The following ROR2 variants were observed in gnomAD, a reference collection of about 807,000 sequenced individuals.
ROR2 encodes the protein ROR family WNT receptor 2.
Under a neutral mutation model 74.9 loss-of-function variants are expected in ROR2, and 33 were observed. That is an observed-to-expected ratio of 0.44 (90% CI 0.33 to 0.59). The LOEUF is 0.59. Among genes scored for constraint, ROR2 ranks in the 20% least tolerant of loss-of-function variants. The probability of loss-of-function intolerance (pLI) is 0.02; values close to 1 mark genes in which losing one functional copy is unlikely to be tolerated. For missense variants in ROR2, 1,216 were observed against 1,313.8 expected (o/e 0.93, Z 1.15); for synonymous variants, 586 against 558.7 (o/e 1.05, Z -0.69).
intron 1 of ROR2, among the ~76,000 whole-genome samples, chr9:91,884,393 G>C (rs1228697304): frequency 6.6e-6 from 1 of 151,774 alleles, no homozygotes; most frequent in Non-Finnish European, 1.5e-5. Flanking sequence ...AGTCATGGGG[G>C]GTGGGGGGAG....
At position 91,896,982 on chromosome 9, in the gene ROR2, G is replaced by C. The variant is rs527905040; in HGVS notation, c.97+52885C>G. The stretch of plus-strand genomic sequence containing the variant: ...TGCCCGGTAACACAGCTCATTTAAA[G>C]AGCGAGTGGGAGCAAAGGGAAGGAA... On this transcript the variant is annotated intron_variant, in intron 1 of 8. Transcript: ENST00000375708. Among the ~76,000 whole-genome samples the C allele has an allele frequency of 2.0e-5, 3 of 152,302 alleles. No individual in the cohort carries two copies. The East Asian group carries it at 5.8e-4, about 29-fold the overall frequency.
chr9:91,822,271 A>AT (rs1303377294), intron 1 of ROR2, among the ~76,000 whole-genome samples: 1 of 152,208 alleles, frequency 6.6e-6, no homozygotes. Context: ...GCATCCATGC[A>AT]TTGGTGTTTA....
intron 1 of ROR2, among the ~76,000 whole-genome samples, chr9:91,781,486 C>T (rs529720334): frequency 3.5e-4 from 54 of 152,246 alleles, no homozygotes; most frequent in African/African-American, 9.1e-4. Context: ...TATAAAGTCC[C>T]GAAAGGGTAA....
chr9:91,740,905 C>A (rs1825213088), intron 4 of ROR2, among the ~76,000 whole-genome samples: 1 of 152,114 alleles, frequency 6.6e-6, no homozygotes, highest in Non-Finnish European at 1.5e-5. Flanking sequence ...AAATCCCCTG[C>A]CCCTCATGCT....
chr9:91,807,196 T>C (rs1356373515), intron 1 of ROR2, among the ~76,000 whole-genome samples: 1 of 152,208 alleles, frequency 6.6e-6, no homozygotes, highest in South Asian at 2.1e-4. Context: ...CATTTTGACA[T>C]GGTTGTCCAC....
At chr9:91,919,990 C>T (rs1721825306) in intron 1 of ROR2, among the ~76,000 whole-genome samples, 1 of 152,188 alleles carries the variant, frequency 6.6e-6, no homozygotes, top group South Asian at 2.1e-4. Flanking sequence ...CCTGCCCCAC[C>T]AGGCTCCCTT....
At position 91,740,477 on chromosome 9, in the gene ROR2, A is replaced by G. The variant is rs537202464; in HGVS notation, c.495-2959T>C. ...TGGGGCAGGAGAATGGCGTGAACCC[A>G]GGAGGCGGAGCTTGCAGTGAGCCGA... is the stretch of plus-strand genomic sequence containing the variant. On this transcript the variant is annotated intron_variant, in intron 4 of 8. Transcript: ENST00000375708. Among the ~76,000 whole-genome samples, 32 of 150,852 alleles carry G rather than the reference A, an allele frequency of 2.1e-4. No individual in the cohort carries two copies. The East Asian group carries it at 5.9e-3, about 28-fold the overall frequency.
intron 4 of ROR2, among the ~76,000 whole-genome samples, chr9:91,738,176 A>G (rs1276415223): frequency 6.6e-6 from 1 of 152,254 alleles, no homozygotes; most frequent in Non-Finnish European, 1.5e-5. Context: ...AATGTTATCA[A>G]TATTGGCTCA....
rs1825779595 is a variant in ROR2 at position 91,757,147 on chromosome 9, G to T, written c.463+125C>A. The T allele has an allele frequency of 3.2e-6, 4 of 1,251,792 alleles. No homozygotes were observed. The South Asian group carries it at 3.7e-5, about 12-fold the overall frequency. The allele number at this position is 1,251,792 out of a possible 1,614,324, so 77.5% of individuals were successfully genotyped here. On this transcript the variant is annotated intron_variant, in intron 3 of 8. Coordinates refer to ENST00000375708, the MANE Select transcript of ROR2 (RefSeq NM_004560.4). ...GCACATGGGGAAGGCCCTAGGGAAC[G>T]GTTTCATTGCTCTCCCCTCGTGCTG...
Position 91,726,675 on chromosome 9 carries a change from T to C in ROR2, c.1252A>G (p.Ile418Val), listed in dbSNP as rs374200211. 6.8e-6 allele frequency: 11 copies of C among 1,613,818 alleles called. No individual in the cohort carries two copies. Among genetic ancestry groups the C allele is most frequent in the East Asian group, 4.5e-5 (2 of 44,866 alleles). The change falls in exon 8 of 9, where the codon ATC becomes GTC. Residue 418 changes from isoleucine (I) to valine (V), a missense_variant. Coordinates refer to ENST00000375708, the MANE Select transcript of ROR2 (RefSeq NM_004560.4). ...CAAACCAAGAAGAAAAGGCAAGCGA[T>C]GACCAGTGGAATTGCGATGCTGGGG... The part of the protein sequence containing the change: ...LVPSIAIPLV[I>V]ACLFFLVCMC...
chr9:91,789,821 G>A lies in ROR2; in HGVS notation c.98-14003C>T, dbSNP rs115224364. On this transcript the variant is annotated intron_variant, in intron 1 of 8. Transcript: ENST00000375708. ...AGTAGCAAAATGGTAGAAGTAAAGC[G>A]TACCATATTGGTAAGTAAGTTAAAT... Among the ~76,000 whole-genome samples, 713 of 152,182 alleles carry A rather than the reference G, an allele frequency of 4.7e-3. 5 individuals carry two copies. Among genetic ancestry groups the A allele is most frequent in the African/African-American group, 0.016 (665 of 41,526 alleles).
At chr9:91,809,913 G>C (rs1450240884) in intron 1 of ROR2, among the ~76,000 whole-genome samples, 1 of 152,272 alleles carries the variant, frequency 6.6e-6, no homozygotes, top group Non-Finnish European at 1.5e-5. Flanking sequence ...TCCAAGGGCA[G>C]CTGGAATTGA....
At chr9:91,826,115 C>G (rs896833658) in intron 1 of ROR2, among the ~76,000 whole-genome samples, 1 of 152,158 alleles carries the variant, frequency 6.6e-6, no homozygotes, top group African/African-American at 2.4e-5. Context: ...GGGTTCAAAG[C>G]CCACCTTGGC....
Position 91,733,329 on chromosome 9 carries a change from G to C in ROR2, c.730C>G (p.Arg244Gly). 6.2e-7 allele frequency: 1 copy of C among 1,612,312 alleles called. No homozygotes were observed. Among genetic ancestry groups the C allele is most frequent in the East Asian group, 2.2e-5 (1 of 44,848 alleles). The change falls in exon 6 of 9, where the codon CGG (arginine) becomes GGG (glycine). Residue 244 changes from arginine (R) to glycine (G), a missense_variant. Transcript: ENST00000375708. The surrounding 1 kb of genome is among the most constrained non-coding windows in gnomAD (Gnocchi z 5.7). ...CACAGCTCACGCGGCTTGGGTGTCCGGGAGCGCGCGTCGCACAGAGGAAAC... is the reference window on the plus strand; with the variant it reads ...CACAGCTCACGCGGCTTGGGTGTCCCGGAGCGCGCGTCGCACAGAGGAAAC... Reference protein sequence around the residue: ...FVFPLCDARSRTPKPRELCRD... With the variant: ...FVFPLCDARSGTPKPRELCRD...
intron 1 of ROR2, among the ~76,000 whole-genome samples, chr9:91,872,276 C>A (rs1298794143): frequency 1.3e-5 from 2 of 152,148 alleles, no homozygotes; most frequent in Admixed American, 1.3e-4. Flanking sequence ...TGTGGCCACT[C>A]ATGTAAACAC....
intron 1 of ROR2, among the ~76,000 whole-genome samples, chr9:91,856,622 A>G (rs931054852): frequency 3.9e-5 from 6 of 152,192 alleles, no homozygotes; most frequent in African/African-American, 1.2e-4. Context: ...GCCAAGGAGC[A>G]AGGCCTCAGG....
chr9:91,773,478 C>T (rs911588560), intron 2 of ROR2, among the ~76,000 whole-genome samples: 1 of 152,232 alleles, frequency 6.6e-6, no homozygotes, highest in Non-Finnish European at 1.5e-5. Context: ...CTGTGCAGGG[C>T]GTAGCCCAGG....
chr9:91,945,916 G>A (rs891827132), intron 1 of ROR2, among the ~76,000 whole-genome samples: 1 of 152,164 alleles, frequency 6.6e-6, no homozygotes, highest in Non-Finnish European at 1.5e-5. Context: ...AGAAAAAGGC[G>A]GCTGCTACAA....
intron 2 of ROR2, among the ~76,000 whole-genome samples, chr9:91,771,713 C>T (rs571307972): frequency 7.1e-6 from 1 of 140,550 alleles, no homozygotes; most frequent in Admixed American, 7.8e-5. Context: ...TCTCTCTCTC[C>T]TCTCTCTCTT....
Sources: allele counts gnomAD v4.1 joint callset (sites outside exome capture counted in the v4.1 genomes callset), GRCh38; gene constraint gnomAD v4.1.1; non-coding constraint Gnocchi (gnomAD v3.1); transcripts MANE v1.5; gene names NCBI Gene and HGNC (gene_info 2026-07-23, HGNC 2026-07-21).